SPEF2: variants seen among roughly 807,000 people sequenced by gnomAD.
The protein encoded by SPEF2 is sperm flagella and cilia-associated protein 2.
SPEF2 carries 187 observed loss-of-function variants against 224.6 expected under a neutral mutation model. The ratio of observed to expected loss-of-function variants is 0.83; its 90% CI spans 0.74 to 0.94. The LOEUF (loss-of-function observed/expected upper bound fraction) is 0.94. Ranked by LOEUF, SPEF2 falls within the 40% of genes least tolerant of loss-of-function variation. The probability of loss-of-function intolerance (pLI) is 0.00; values close to 1 mark genes in which losing one functional copy is unlikely to be tolerated. For missense variants in SPEF2, 2,170 were observed against 2,135.6 expected (o/e 1.02, Z -0.32); for synonymous variants, 715 against 707.3 (o/e 1.01, Z -0.17).
intron 2 of SPEF2, among the ~76,000 whole-genome samples, chr5:35,639,253 C>A (rs1746264551): frequency 6.6e-6 from 1 of 152,084 alleles, no homozygotes; most frequent in Non-Finnish European, 1.5e-5. Context: ...CATTGCATTC[C>A]CTAATGTGGG....
At chr5:35,691,358 A>G in intron 11 of SPEF2, 102 bp downstream of exon 11, 1 of 895,040 alleles carries the variant, frequency 1.1e-6, no homozygotes, top group South Asian at 1.7e-5. Flanking sequence ...AGCACTGCTG[A>G]TATGTTGGGA....
intron 21 of SPEF2, among the ~76,000 whole-genome samples, chr5:35,731,041 G>A (rs188137962): frequency 4.5e-4 from 69 of 152,244 alleles, no homozygotes; most frequent in African/African-American, 1.6e-3. Flanking sequence ...AACATTGAAA[G>A]AATACAGTCA....
In SPEF2 at chr5:35,644,370, A is replaced by G. The variant is rs766432929; in HGVS notation, c.430A>G (p.Ile144Val). ...DTFQERLRHM[I>V]PRQTDFNLMR... is the part of the protein sequence containing the mutation. ...TTTCATTTAGAGACTTAGACACATG[A>G]TACCACGTCAAACTGATTTCAATCT... The change falls in exon 4 of 37, where the codon ATA becomes GTA. Residue 144 changes from isoleucine to valine, a missense_variant. Coordinates refer to ENST00000356031, the MANE Select transcript of SPEF2 (RefSeq NM_024867.4). The G allele has an allele frequency of 1.9e-6, 3 of 1,587,218 alleles. No individual in the cohort carries two copies. The highest frequency in any genetic ancestry group is 2.6e-6 in the Non-Finnish European group (3 of 1,167,354).
At chr5:35,641,376 GTT>G in intron 2 of SPEF2, 53 bp from the exon 3 acceptor site, 2 of 1,530,908 alleles carry the variant, frequency 1.3e-6, no homozygotes. Context: ...GATATTTGTT[GTT>G]TGTCTTTAAT....
chr5:35,627,492 T>C (rs906094151), intron 1 of SPEF2, among the ~76,000 whole-genome samples: 1 of 152,080 alleles, frequency 6.6e-6, no homozygotes, highest in Non-Finnish European at 1.5e-5. Context: ...TCCCAGCTAC[T>C]CGGGAGGCTG....
chr5:35,793,057 C>T, intron 31 of SPEF2, 102 bp from the exon 32 acceptor site: 1 of 1,090,304 alleles, frequency 9.2e-7, no homozygotes, highest in Non-Finnish European at 1.3e-6. Flanking sequence ...GTGAAAAGTC[C>T]TACTTCTTTC....
intron 20 of SPEF2, among the ~76,000 whole-genome samples, chr5:35,716,466 A>T (rs10037620): frequency 0.75 from 114,253 of 152,000 alleles, 43,294 homozygotes; most frequent in Middle Eastern, 0.83. Context: ...ATTAGACATA[A>T]TTAACACATG....
At chr5:35,639,281 A>G (rs1178113773) in intron 2 of SPEF2, among the ~76,000 whole-genome samples, 1 of 152,086 alleles carries the variant, frequency 6.6e-6, no homozygotes, top group Non-Finnish European at 1.5e-5. Flanking sequence ...TCCTACTTGT[A>G]TTGAGAACCA....
intron 1 of SPEF2, among the ~76,000 whole-genome samples, chr5:35,618,867 T>C (rs1166627806): frequency 1.4e-5 from 2 of 144,434 alleles, no homozygotes; most frequent in East Asian, 5.5e-4. Flanking sequence ...TTGGTTTTGT[T>C]TGTCTTTTTT....
intron 2 of SPEF2, among the ~76,000 whole-genome samples, chr5:35,634,383 G>A (rs1346526192): frequency 1.3e-5 from 2 of 152,184 alleles, no homozygotes; most frequent in South Asian, 2.1e-4. Flanking sequence ...TTATAGAGAA[G>A]CTCTTGTATT....
At position 35,795,684 on chromosome 5, in the gene SPEF2, A is replaced by G; in HGVS notation, c.4738-19A>G. On this transcript the variant is annotated intron_variant, in intron 32 of 36. Coordinates refer to ENST00000356031, the MANE Select transcript of SPEF2 (RefSeq NM_024867.4). ...CAAAATACATACTTTAACAATTTTC[A>G]TTTTTATTTTTTATGTAGGCTGGTC... 6.2e-7 allele frequency: 1 copy of G among 1,602,946 alleles called. No homozygotes were observed. Among genetic ancestry groups the G allele is most frequent in the Non-Finnish European group, 8.5e-7 (1 of 1,174,682 alleles).
Position 35,708,988 on chromosome 5 carries a change from A to G in SPEF2, c.2706A>G (p.Ala902=), listed in dbSNP as rs747565188. ...AAGAAAAGGAAGCTGAGAAAAAAGC[A>G]GCAGCTTCCCTGGCTGAGCTTCCAC... The part of the protein sequence containing the change: ...KLEEKEAEKK[A]AASLAELPLP... Residue 902 remains alanine, a synonymous_variant, in exon 19 of 37, where the codon GCA becomes GCG. Transcript: ENST00000356031. 306 of 1,612,792 alleles carry G rather than the reference A, an allele frequency of 1.9e-4. No homozygotes were observed. Among genetic ancestry groups the G allele is most frequent in the Non-Finnish European group, 2.5e-4 (292 of 1,179,766 alleles).
intron 10 of SPEF2, among the ~76,000 whole-genome samples, chr5:35,674,337 C>CTTTTTTTTTTTTTT (rs35129181): frequency 4.2e-5 from 4 of 94,454 alleles, no homozygotes; most frequent in African/African-American, 1.6e-4. Context: ...TTTTCGTCTT[C>CTTTTTTTTTTTTTT]TTTTTTTTTT....
intron 33 of SPEF2, among the ~76,000 whole-genome samples, chr5:35,797,018 C>T (rs1364673217): frequency 6.6e-6 from 1 of 152,162 alleles, no homozygotes; most frequent in African/African-American, 2.4e-5. Flanking sequence ...ATGAACAAAT[C>T]TGCCATCAAC....
At chr5:35,669,693 G>A (rs908836517) in intron 9 of SPEF2, among the ~76,000 whole-genome samples, 1 of 151,932 alleles carries the variant, frequency 6.6e-6, no homozygotes, top group South Asian at 2.1e-4. Context: ...AAAATATTGA[G>A]TACAGTCAGA....
intron 5 of SPEF2, among the ~76,000 whole-genome samples, chr5:35,648,777 G>C (rs1348918548): frequency 6.6e-6 from 1 of 152,076 alleles, no homozygotes; most frequent in Non-Finnish European, 1.5e-5. Context: ...ACTTTGGAAG[G>C]CCGAGGCGGG....
At chr5:35,797,160 G>A (rs1756778610) in intron 33 of SPEF2, among the ~76,000 whole-genome samples, 1 of 152,146 alleles carries the variant, frequency 6.6e-6, no homozygotes, top group African/African-American at 2.4e-5. Context: ...CTGCTCACTT[G>A]GCAGCAAAAC....
chr5:35,633,212 T>C (rs1362371652), intron 2 of SPEF2, among the ~76,000 whole-genome samples: 2 of 152,122 alleles, frequency 1.3e-5, no homozygotes, highest in Non-Finnish European at 2.9e-5. Context: ...AGTTGCTGTA[T>C]CCATTATTGA....
At chr5:35,727,916 T>G in intron 21 of SPEF2, 93 bp downstream of exon 21, 3 of 1,305,534 alleles carry the variant, frequency 2.3e-6, no homozygotes, top group Non-Finnish European at 2.1e-6. Context: ...TGAAGGCCTT[T>G]TACAGCAGGT....
Sources: gnomAD v4.1 joint callset for allele counts (sites outside exome capture counted in the v4.1 genomes callset) on GRCh38, gnomAD v4.1.1 for gene constraint, MANE v1.5 for transcripts, NCBI Gene and HGNC (gene_info 2026-07-23, HGNC 2026-07-21) for gene names.